The following CACNA1E variants were observed in gnomAD, a reference collection of about 807,000 sequenced individuals.
The protein encoded by CACNA1E is calcium voltage-gated channel subunit alpha1 E.
CACNA1E carries 40 observed loss-of-function variants against 259.2 expected under a neutral mutation model. The ratio of observed to expected loss-of-function variants is 0.15; its 90% confidence interval spans 0.12 to 0.20. CACNA1E has a LOEUF of 0.20. Ranked by LOEUF, CACNA1E falls within the 10% of genes least tolerant of loss-of-function variation. CACNA1E has a pLI of 1.00. For missense variants in CACNA1E, 1,874 were observed against 3,040.1 expected (o/e 0.62, Z 9.02); for synonymous variants, 1,104 against 1,138.5 (o/e 0.97, Z 0.61).
In CACNA1E at chr1:181,758,761, T is replaced by C; in HGVS notation, c.4498T>C (p.Tyr1500His). 6.4e-7 allele frequency: 1 copy of C among 1,557,418 alleles called. No homozygotes were observed. The highest frequency in any genetic ancestry group is 8.8e-7 in the Non-Finnish European group (1 of 1,130,200). The change falls in exon 32 of 48, where the codon TAT becomes CAT. Residue 1500 changes from tyrosine (Y) to histidine (H), a missense_variant. Tyr to His is a moderately conservative substitution (Grantham distance 83, BLOSUM62 2). This residue lies in a region of CACNA1E where 188 missense variants were observed against 540.6 expected (regional missense o/e 0.35). Transcript: ENST00000367573. This position sits in a 1 kb window ranked among gnomAD's most constrained non-coding sequence, Gnocchi z 4.2. The part of the protein sequence containing the change: ...LNTVVLMMKY[Y>H]SAPCTYELAL... Reference sequence around the variant, plus strand: ...TCTTCTTTTTTCTTCCTGGCAGTATTATTCTGCTCCCTGTACCTATGAGCT... The same window carrying C: ...TCTTCTTTTTTCTTCCTGGCAGTATCATTCTGCTCCCTGTACCTATGAGCT...
intron 6 of CACNA1E, among the ~76,000 whole-genome samples, chr1:181,606,207 A>T (rs1654220559): frequency 6.6e-6 from 1 of 152,060 alleles, no homozygotes; most frequent in East Asian, 1.9e-4. Context: ...CTCATATCTA[A>T]TCAGCTACTG....
At chr1:181,719,623 C>A in intron 12 of CACNA1E, 128 bp from the exon 13 acceptor site, 1 of 534,162 alleles carries the variant, frequency 1.9e-6, no homozygotes, top group South Asian at 3.2e-5. Flanking sequence ...GAAGGTAGGG[C>A]TGGTGGGAGA....
At chr1:181,516,041 C>A (rs984431987) in intron 3 of CACNA1E, among the ~76,000 whole-genome samples, 1 of 152,118 alleles carries the variant, frequency 6.6e-6, no homozygotes, top group Non-Finnish European at 1.5e-5. Context: ...TGCCAGGCTG[C>A]TCATATTCTG....
chr1:181,703,469 T>C (rs1373898800), intron 7 of CACNA1E, among the ~76,000 whole-genome samples: 1 of 152,208 alleles, frequency 6.6e-6, no homozygotes, highest in African/African-American at 2.4e-5. Flanking sequence ...TTTAACATTC[T>C]GGATTCCACC....
intron 1 of CACNA1E, among the ~76,000 whole-genome samples, chr1:181,343,466 CG>C (rs1445476071): frequency 1.3e-5 from 2 of 151,740 alleles, no homozygotes; most frequent in African/African-American, 2.4e-5. Context: ...CCTCTCTTGC[CG>C]TATGAGGCAC....
intron 3 of CACNA1E, among the ~76,000 whole-genome samples, chr1:181,554,760 CT>C (rs1310602158): frequency 1.3e-5 from 2 of 152,140 alleles, no homozygotes; most frequent in African/African-American, 4.8e-5. Flanking sequence ...ACTGTAGAGT[CT>C]TCTGTTTGGA....
chr1:181,781,401 C>A, intron 38 of CACNA1E, 26 bp from the exon 39 acceptor site: 6 of 1,261,340 alleles, frequency 4.8e-6, no homozygotes, highest in East Asian at 2.4e-5. Flanking sequence ...CCCACCCCAT[C>A]CCAACTCACC....
At chr1:181,466,878 T>C (rs1201372492) in intron 2 of CACNA1E, among the ~76,000 whole-genome samples, 2 of 152,120 alleles carry the variant, frequency 1.3e-5, no homozygotes, top group Non-Finnish European at 2.9e-5. Context: ...GAGAATAAAA[T>C]AGGAAAGCAT....
intron 1 of CACNA1E, among the ~76,000 whole-genome samples, chr1:181,381,420 A>G (rs1184558590): frequency 6.6e-6 from 1 of 152,218 alleles, no homozygotes; most frequent in Non-Finnish European, 1.5e-5. Context: ...GTAATATATG[A>G]TTCCACTTAC....
intron 6 of CACNA1E, among the ~76,000 whole-genome samples, chr1:181,616,342 T>A (rs1244802630): frequency 1.7e-5 from 2 of 117,338 alleles, no homozygotes; most frequent in African/African-American, 5.0e-5. Context: ...TTTGTTTTGT[T>A]TTGTTTTTTT....
chr1:181,587,832 G>A (rs1348840253), intron 6 of CACNA1E, among the ~76,000 whole-genome samples: 1 of 152,194 alleles, frequency 6.6e-6, no homozygotes, highest in African/African-American at 2.4e-5. Flanking sequence ...GCAGTGAGCC[G>A]AGATAGCGCC....
intron 6 of CACNA1E, among the ~76,000 whole-genome samples, chr1:181,606,939 A>G (rs565152152): frequency 1.3e-5 from 2 of 152,332 alleles, no homozygotes; most frequent in African/African-American, 4.8e-5. Flanking sequence ...CCCTAAACAA[A>G]GTCAGTCCCT....
chr1:181,761,485 A>AT (rs1658580380), intron 32 of CACNA1E, among the ~76,000 whole-genome samples: 1 of 152,174 alleles, frequency 6.6e-6, no homozygotes, highest in East Asian at 1.9e-4. Context: ...GCTGGGTTGG[A>AT]GTATACTTCT....
chr1:181,444,030 C>T (rs1266183531), intron 2 of CACNA1E, among the ~76,000 whole-genome samples: 1 of 152,244 alleles, frequency 6.6e-6, no homozygotes, highest in Non-Finnish European at 1.5e-5. Context: ...TCATTCTTAA[C>T]ATCTCTGTTC....
At chr1:181,641,724 T>G (rs983934353) in intron 6 of CACNA1E, among the ~76,000 whole-genome samples, 1 of 143,160 alleles carries the variant, frequency 7.0e-6, no homozygotes, top group Non-Finnish European at 1.5e-5. Flanking sequence ...TTTTTTTTTT[T>G]TTTTTTTGAG....
intron 2 of CACNA1E, among the ~76,000 whole-genome samples, chr1:181,465,702 A>G (rs1199782368): frequency 2.6e-5 from 4 of 151,958 alleles, no homozygotes; most frequent in Non-Finnish European, 5.9e-5. Context: ...TCTTTTTTTC[A>G]TTTCATTGCA....
At chr1:181,519,364 T>C (rs1262625850) in intron 3 of CACNA1E, among the ~76,000 whole-genome samples, 1 of 152,162 alleles carries the variant, frequency 6.6e-6, no homozygotes, top group Non-Finnish European at 1.5e-5. Flanking sequence ...ATTTAATGTA[T>C]GTGTCACTGA....
chr1:181,367,774 A>G (rs928983466), intron 1 of CACNA1E, among the ~76,000 whole-genome samples: 2 of 151,988 alleles, frequency 1.3e-5, no homozygotes, highest in African/African-American at 4.8e-5. Flanking sequence ...TATTTTAATC[A>G]TTTTCAAATG....
chr1:181,666,154 A>T (rs1456088235), intron 7 of CACNA1E, among the ~76,000 whole-genome samples: 1 of 152,160 alleles, frequency 6.6e-6, no homozygotes, highest in South Asian at 2.1e-4. Flanking sequence ...CCCTGCTGTA[A>T]TGCAGCCTGC....
Sources: allele counts gnomAD v4.1 joint callset (sites outside exome capture counted in the v4.1 genomes callset), GRCh38; gene constraint gnomAD v4.1.1; regional missense constraint gnomAD v4.1.1; non-coding constraint Gnocchi (gnomAD v3.1); transcripts MANE v1.5; gene names NCBI Gene and HGNC (gene_info 2026-07-23, HGNC 2026-07-21).